The following GLI3 variants were observed in gnomAD, a reference collection of about 807,000 sequenced individuals.
GLI3 encodes transcription activator GLI3.
Under a neutral mutation model 100.8 loss-of-function variants are expected in GLI3, and 20 were observed. The observed-to-expected ratio is 0.20, with a 90% CI of 0.14 to 0.29. The LOEUF (loss-of-function observed/expected upper bound fraction) is 0.29, where lower values mean the gene tolerates loss of function less well. Among genes scored for constraint, GLI3 ranks in the 10% least tolerant of loss-of-function variants. The probability of loss-of-function intolerance (pLI) is 1.00; values close to 1 mark genes in which losing one functional copy is unlikely to be tolerated. For synonymous variants in GLI3, 938 were observed against 860.5 expected (o/e 1.09, Z -1.58); for missense variants, 2,040 against 2,128.5 (o/e 0.96, Z 0.82).
At chr7:42,231,526 T>C (rs1267140442) in intron 1 of GLI3, among the ~76,000 whole-genome samples, 2 of 152,104 alleles carry the variant, frequency 1.3e-5, no homozygotes, top group Non-Finnish European at 2.9e-5. Context: ...TCAATGAAAC[T>C]CTCTGATATG....
intron 3 of GLI3, among the ~76,000 whole-genome samples, chr7:42,126,499 G>C (rs546932260): frequency 6.6e-6 from 1 of 152,310 alleles, no homozygotes; most frequent in Non-Finnish European, 1.5e-5. Flanking sequence ...TCTGATCAGA[G>C]AACAGTTTAG....
chr7:42,077,541 C>T (rs1336685009), intron 3 of GLI3, among the ~76,000 whole-genome samples: 14 of 151,956 alleles, frequency 9.2e-5, no homozygotes. Flanking sequence ...TAGAGCCAAA[C>T]TCAGGGAATT....
At chr7:42,049,983 C>T (rs774075790) in intron 4 of GLI3, among the ~76,000 whole-genome samples, 30 of 152,282 alleles carry the variant, frequency 2.0e-4, no homozygotes, top group Non-Finnish European at 3.4e-4. Flanking sequence ...ACGCACAGCC[C>T]GGCCCCCATC....
At position 42,018,607 on chromosome 7, in the gene GLI3, C is replaced by T. The variant is rs13227613; in HGVS notation, c.1497+4861G>A. Among the ~76,000 whole-genome samples, 715 of 152,270 alleles carry T rather than the reference C, an allele frequency of 4.7e-3. 3 individuals carry two copies. The highest frequency in any genetic ancestry group is 7.8e-3 in the Non-Finnish European group (528 of 68,026). On this transcript the variant is annotated intron_variant, in intron 10 of 14. Coordinates refer to ENST00000395925, the MANE Select transcript of GLI3 (RefSeq NM_000168.6). ...ATGTGTTTTCTTTATATCTAAATCT[C>T]TATATTAAAAAGAAAGCCCCTCATT...
At chr7:41,988,886 A>G (rs1051940789) in intron 10 of GLI3, among the ~76,000 whole-genome samples, 1 of 152,172 alleles carries the variant, frequency 6.6e-6, no homozygotes, top group African/African-American at 2.4e-5. Flanking sequence ...TTCTCTTACC[A>G]TCCAGTAAGT....
intron 1 of GLI3, among the ~76,000 whole-genome samples, chr7:42,232,675 T>C (rs1788716513): frequency 6.6e-6 from 1 of 152,232 alleles, no homozygotes; most frequent in Admixed American, 6.5e-5. Context: ...TTATGACTCC[T>C]ATGCAAAATG....
intron 3 of GLI3, among the ~76,000 whole-genome samples, chr7:42,126,157 A>G (rs1786125191): frequency 6.6e-6 from 1 of 152,192 alleles, no homozygotes; most frequent in Non-Finnish European, 1.5e-5. Flanking sequence ...AAGAGGCTAG[A>G]GGTACTGACT....
chr7:42,077,436 C>T (rs1020584377), intron 3 of GLI3, among the ~76,000 whole-genome samples: 3 of 151,158 alleles, frequency 2.0e-5, no homozygotes, highest in African/African-American at 4.9e-5. Flanking sequence ...CTCCATAGTC[C>T]CCACACAAAG....
chr7:42,191,067 A>G (rs1465273963), intron 2 of GLI3, among the ~76,000 whole-genome samples: 1 of 152,186 alleles, frequency 6.6e-6, no homozygotes, highest in Non-Finnish European at 1.5e-5. Context: ...GGTCATTATT[A>G]ATCACTATTA....
In GLI3 at chr7:41,972,215, GC is replaced by G; in HGVS notation, c.2103+121del. The G allele has an allele frequency of 1.1e-6, 1 of 913,700 alleles. No individual in the cohort carries two copies. Among genetic ancestry groups the G allele is most frequent in the Non-Finnish European group, 1.8e-6 (1 of 547,636 alleles). 56.6% of individuals were successfully genotyped at this position (913,700 alleles called of 1,614,324 possible). A position where few individuals can be genotyped will look rare whatever the true frequency, so the allele number is the denominator to read the frequency against. ...AGCAATACGGGTCACTGCCCTCATC[GC>G]CTCCTCAGATCAGAGACAGCCTGAC... On this transcript the variant is annotated intron_variant, in intron 13 of 14. Coordinates refer to ENST00000395925, the MANE Select transcript of GLI3 (RefSeq NM_000168.6). The surrounding 1 kb of genome is among the most constrained non-coding windows in gnomAD (Gnocchi z 4.4).
intron 3 of GLI3, among the ~76,000 whole-genome samples, chr7:42,105,395 A>G (rs1306454969): frequency 6.6e-6 from 1 of 152,196 alleles, no homozygotes; most frequent in Non-Finnish European, 1.5e-5. Context: ...AGAAGCATAA[A>G]TTTAGTTTCA....
At chr7:42,060,352 C>CTTA (rs1307987771) in intron 4 of GLI3, among the ~76,000 whole-genome samples, 14 of 152,022 alleles carry the variant, frequency 9.2e-5, no homozygotes, top group Non-Finnish European at 1.3e-4. Flanking sequence ...GATGTCACTT[C>CTTA]GGCATTACTT....
intron 3 of GLI3, among the ~76,000 whole-genome samples, chr7:42,093,178 G>A (rs1391953995): frequency 2.0e-5 from 3 of 151,724 alleles, no homozygotes; most frequent in Non-Finnish European, 4.4e-5. Context: ...TCAGGAGTTC[G>A]AGACCAGCCT....
Position 41,967,627 on chromosome 7 carries a change from T to C in GLI3, c.2400A>G (p.Lys800=), listed in dbSNP as rs528401584. The change falls in exon 14 of 15, where the codon AAA becomes AAG. Residue 800 remains lysine (K), a synonymous_variant. Coordinates refer to ENST00000395925, the MANE Select transcript of GLI3 (RefSeq NM_000168.6). ...CTATGAGAGGAGAGACCGCAGGGGC[T>C]TTAGGGGGTAGAATGGGGTTCAGTC... The part of the protein sequence containing the change: ...FPRLNPILPP[K]APAVSPLIGN... The C allele has an allele frequency of 1.2e-6, 2 of 1,613,728 alleles. No individual in the cohort carries two copies. Among genetic ancestry groups the C allele is most frequent in the Admixed American group, 1.7e-5 (1 of 60,020 alleles).
intron 3 of GLI3, among the ~76,000 whole-genome samples, chr7:42,133,876 G>A (rs566994793): frequency 9.9e-5 from 15 of 152,162 alleles, no homozygotes; most frequent in African/African-American, 3.6e-4. Context: ...GAGGTCAGGA[G>A]TTCGAGACTA....
At chr7:41,996,329 C>T (rs1225497623) in intron 10 of GLI3, among the ~76,000 whole-genome samples, 3 of 152,032 alleles carry the variant, frequency 2.0e-5, no homozygotes, top group Admixed American at 1.3e-4. Flanking sequence ...AAAGGCCTCT[C>T]TCAGAGCCAC....
At chr7:42,144,739 A>C (rs1439594191) in intron 3 of GLI3, among the ~76,000 whole-genome samples, 1 of 152,168 alleles carries the variant, frequency 6.6e-6, no homozygotes, top group East Asian at 1.9e-4. Context: ...CACTTTAGAA[A>C]TACAAAGTTC....
intron 4 of GLI3, among the ~76,000 whole-genome samples, chr7:42,055,050 TACACACAC>T (rs1199287626): frequency 1.3e-4 from 19 of 144,476 alleles, no homozygotes; most frequent in Non-Finnish European, 1.2e-4. Context: ...CATATATATA[TACACACAC>T]ATATATGTAT....
intron 3 of GLI3, among the ~76,000 whole-genome samples, chr7:42,108,213 TG>T (rs1785621954): frequency 6.6e-6 from 1 of 152,222 alleles, no homozygotes; most frequent in Admixed American, 6.5e-5. Context: ...GGATGCTTAA[TG>T]GAACTTTGCA....
Sources: gnomAD v4.1 joint callset for allele counts (sites outside exome capture counted in the v4.1 genomes callset) on GRCh38, gnomAD v4.1.1 for gene constraint, Gnocchi (gnomAD v3.1) non-coding constraint, MANE v1.5 for transcripts, NCBI Gene and HGNC (gene_info 2026-07-23, HGNC 2026-07-21) for gene names.